The following TAF15 variants were observed in gnomAD, a reference collection of about 807,000 sequenced individuals.
TAF15 encodes TATA-binding protein-associated factor 2N.
A neutral mutation model predicts 102.5 loss-of-function variants in TAF15; 37 were observed. The observed-to-expected ratio is 0.36, with a 90% CI of 0.28 to 0.47. TAF15 has a LOEUF of 0.47. TAF15 is among the 20% of genes least tolerant of loss of function. The pLI is 0.99. For missense variants in TAF15, 652 were observed against 760.7 expected (o/e 0.86, Z 1.68); for synonymous variants, 273 against 259.2 (o/e 1.05, Z -0.51).
At chr17:35,812,690 C>T (rs1358612719) in intron 1 of TAF15, among the ~76,000 whole-genome samples, 2 of 150,960 alleles carry the variant, frequency 1.3e-5, no homozygotes, top group South Asian at 2.1e-4. Flanking sequence ...AAGATATGTT[C>T]ATAGTAAATT....
intron 6 of TAF15, among the ~76,000 whole-genome samples, chr17:35,823,245 A>G (rs4251748): frequency 7.2e-5 from 11 of 152,260 alleles, no homozygotes; most frequent in Non-Finnish European, 1.3e-4. Context: ...ATAATTGAAT[A>G]GTAAATAGTA....
chr17:35,825,247 T>C (rs2087311172), intron 7 of TAF15, among the ~76,000 whole-genome samples: 1 of 152,210 alleles, frequency 6.6e-6, no homozygotes, highest in East Asian at 1.9e-4. Flanking sequence ...AAAAACTAAA[T>C]TTTAAACATA....
At chr17:35,834,009 C>T (rs1442997916) in intron 8 of TAF15, 68 bp downstream of exon 8, 12 of 1,553,728 alleles carry the variant, frequency 7.7e-6, no homozygotes, top group South Asian at 2.2e-5. Flanking sequence ...ACCAATATCC[C>T]GCAGATGTAG....
chr17:35,817,794 A>C, intron 2 of TAF15, 39 bp downstream of exon 2: 1 of 1,577,612 alleles, frequency 6.3e-7, no homozygotes, highest in East Asian at 2.2e-5. Flanking sequence ...GAAAGGGTAG[A>C]ACTGAGGTGA....
chr17:35,820,296 A>G, intron 4 of TAF15, 36 bp from the exon 5 acceptor site: 1 of 1,613,698 alleles, frequency 6.2e-7, no homozygotes, highest in Non-Finnish European at 8.5e-7. Context: ...GAAAAATCAG[A>G]GCCTTCACTA....
At chr17:35,815,778 A>G (rs4251722) in intron 1 of TAF15, among the ~76,000 whole-genome samples, 1 of 152,168 alleles carries the variant, frequency 6.6e-6, no homozygotes, top group Admixed American at 6.5e-5. Flanking sequence ...AGAGGCATCT[A>G]ATCTCTTAAT....
At chr17:35,835,424 C>T (rs898018838) in intron 9 of TAF15, among the ~76,000 whole-genome samples, 1 of 152,152 alleles carries the variant, frequency 6.6e-6, no homozygotes, top group Non-Finnish European at 1.5e-5. Context: ...TACAGATTTA[C>T]CTGTGGAGCC....
At chr17:35,840,247 C>CTTTTTTT (rs370455465) in intron 11 of TAF15, among the ~76,000 whole-genome samples, 2 of 119,392 alleles carry the variant, frequency 1.7e-5, no homozygotes, top group Non-Finnish European at 3.5e-5. Context: ...CGTTATTTTC[C>CTTTTTTT]TTTTTTTTTT....
intron 5 of TAF15, among the ~76,000 whole-genome samples, chr17:35,820,749 A>G (rs2087248632): frequency 6.6e-6 from 1 of 152,280 alleles, no homozygotes; most frequent in South Asian, 2.1e-4. Flanking sequence ...ACTTCTCAAC[A>G]TCTATTTTTA....
In TAF15 at chr17:35,844,144, G is replaced by A. The variant is rs2087580745; in HGVS notation, c.1074G>A (p.Trp358Ter). The change falls in exon 13 of 16, where the codon TGG becomes TGA. Residue 358 changes from tryptophan to a stop codon, truncating the protein, a stop_gained. Coordinates refer to ENST00000605844, the MANE Select transcript of TAF15 (RefSeq NM_139215.3). LOFTEE classifies it high-confidence loss of function. ...GTGGAGACCCCAAAAGTGGGGATTG[G>A]GTTTGCCCTAATCCGTAAGTGTCTT... ...GRGGDPKSGDWVCPNPSCGNM... is the reference protein window; with the variant it reads ...GRGGDPKSGD The A allele has an allele frequency of 6.2e-7, 1 of 1,613,938 alleles. No homozygotes were observed. Among genetic ancestry groups the A allele is most frequent in the African/African-American group, 1.3e-5 (1 of 74,874 alleles).
chr17:35,821,835 C>T (rs1468095382), intron 5 of TAF15, among the ~76,000 whole-genome samples: 3 of 152,040 alleles, frequency 2.0e-5, no homozygotes, highest in African/African-American at 7.2e-5. Flanking sequence ...AATGTACTAT[C>T]ACTGAAGATG....
At position 35,847,072 on chromosome 17, in the gene TAF15, G is replaced by T; in HGVS notation, c.*127G>T. 2 of 840,620 alleles carry T rather than the reference G, an allele frequency of 2.4e-6. No individual in the cohort carries two copies. The highest frequency in any genetic ancestry group is 2.5e-5 in the East Asian group (1 of 40,016). The allele number at this position is 840,620 out of a possible 1,614,324, so 52.1% of individuals were successfully genotyped here. On this transcript the variant is annotated 3_prime_UTR_variant, in exon 16 of 16. Transcript: ENST00000605844. ...TAAGTGACATTTGGATTTTTATTTG[G>T]GTGGGAGGGCTGGGACAGTTTTTCT...
chr17:35,821,069 T>A (rs539927372), intron 5 of TAF15, among the ~76,000 whole-genome samples: 178 of 152,300 alleles, frequency 1.2e-3, no homozygotes, highest in South Asian at 3.5e-3. Context: ...CACTATGAAA[T>A]AGTGTCAGTG....
At chr17:35,836,302 A>T in intron 10 of TAF15, 61 bp downstream of exon 10, 1 of 1,210,168 alleles carries the variant, frequency 8.3e-7, no homozygotes, top group Non-Finnish European at 1.2e-6. Flanking sequence ...CAATACATAG[A>T]CTATGTAGTA....
At position 35,844,661 on chromosome 17, in the gene TAF15, C is replaced by T. The variant is rs776490059; in HGVS notation, c.1362C>T (p.Gly454=). Residue 454 remains glycine (G), a synonymous_variant, in exon 15 of 16, where the codon GGC becomes GGT. Coordinates refer to ENST00000605844, the MANE Select transcript of TAF15 (RefSeq NM_139215.3). Reference sequence around the variant, plus strand: ...ATGGTGGAGACAGAAGTGGGGGTGGCTATGGTGGGGACAGAGGCGGCGGCT... The same window carrying T: ...ATGGTGGAGACAGAAGTGGGGGTGGTTATGGTGGGGACAGAGGCGGCGGCT... ...GGYGGDRSGG[G]YGGDRGGGYG... is the part of the protein sequence containing the mutation. The T allele has an allele frequency of 6.3e-7, 1 of 1,594,004 alleles. No homozygotes were observed. The highest frequency in any genetic ancestry group is 8.5e-7 in the Non-Finnish European group (1 of 1,170,858).
Position 35,844,687 on chromosome 17 carries a change from A to G in TAF15, c.1388A>G (p.Tyr463Cys), listed in dbSNP as rs756351856. The change falls in exon 15 of 16, where the codon TAT becomes TGT. Residue 463 changes from tyrosine to cysteine, a missense_variant. Tyr to Cys is a radical substitution (Grantham distance 194). Transcript: ENST00000605844. ...GGYGGDRGGG[Y>C]GGDRGGGYGG... The stretch of plus-strand genomic sequence containing the variant: ...TATGGTGGGGACAGAGGCGGCGGCT[A>G]TGGTGGGGACAGAGGAGGCGGCTAT... The G allele has an allele frequency of 1.2e-4, 184 of 1,598,722 alleles. No individual in the cohort carries two copies. The highest frequency in any genetic ancestry group is 6.9e-4 in the Middle Eastern group (4 of 5,756).
intron 1 of TAF15, chr17:35,809,869 G>A (rs766789080): frequency 8.1e-5 from 47 of 579,224 alleles, no homozygotes; most frequent in African/African-American, 8.1e-4. Flanking sequence ...GTCGGGGGGC[G>A]GAGGCCGTCT....
Position 35,809,556 on chromosome 17 carries a change from C to G in TAF15, c.-14C>G. On this transcript the variant is annotated 5_prime_UTR_variant, in exon 1 of 16. Transcript: ENST00000605844. ...TCGGCGGGCTGTGGGGCCTCCGCGC[C>G]GCGGCCGTTAGTCATGTCGGGTAGG... The G allele has an allele frequency of 6.2e-7, 1 of 1,613,278 alleles. No individual in the cohort carries two copies.
At chr17:35,837,167 T>G (rs749822827) in intron 10 of TAF15, among the ~76,000 whole-genome samples, 1 of 152,128 alleles carries the variant, frequency 6.6e-6, no homozygotes, top group Non-Finnish European at 1.5e-5. Flanking sequence ...GTTGTTGTCT[T>G]GAGACAGGGT....
Sources: gnomAD v4.1 joint callset for allele counts (sites outside exome capture counted in the v4.1 genomes callset) on GRCh38, gnomAD v4.1.1 for gene constraint, MANE v1.5 for transcripts, NCBI Gene and HGNC (gene_info 2026-07-23, HGNC 2026-07-21) for gene names.